EIF6: variants seen among roughly 807,000 people sequenced by gnomAD.
The protein encoded by EIF6 is eukaryotic translation initiation factor 6, also known as B4 integrin interactor.
In EIF6, 10 loss-of-function variants were observed where a neutral mutation model predicts 25.5. The observed-to-expected ratio is 0.39, with a 90% CI of 0.24 to 0.66. The LOEUF (loss-of-function observed/expected upper bound fraction) is 0.66. EIF6 is among the 30% of genes least tolerant of loss of function. The pLI is 0.45. For synonymous variants in EIF6, 122 were observed against 122.6 expected, an observed-to-expected ratio of 1.00 and a Z score of 0.03; for missense variants, 246 against 315.4, an observed-to-expected ratio of 0.78 and a Z score of 1.67.
rs766540370 is a variant in EIF6, at chr20:35,280,100, C to G, written c.388G>C (p.Ala130Pro). 1 of 1,614,092 alleles carries G rather than the reference C, an allele frequency of 6.2e-7. No homozygotes were observed. Among genetic ancestry groups the G allele is most frequent in the Admixed American group, 1.7e-5 (1 of 60,014 alleles). Residue 130 changes from alanine to proline, a missense_variant, in exon 5 of 7, where the codon GCA becomes CCA. By Grantham distance (27) the Ala-to-Pro change is conservative. Transcript: ENST00000374450. ...DLDRETEEIL[A>P]DVLKVEVFRQ... ...AAGACTTCCACCTTGAGCACATCTG[C>G]CAGAATTTCTTCTGTCTCCTGTCAA...
chr20:35,279,859 T>C, intron 5 of EIF6, 83 bp downstream of exon 5: 7 of 1,584,264 alleles, frequency 4.4e-6, no homozygotes, highest in Non-Finnish European at 6.0e-6. Flanking sequence ...TCCCAAACTG[T>C]GGCAGGTAAT....
At chr20:35,281,416 C>T (rs890245091) in intron 3 of EIF6, among the ~76,000 whole-genome samples, 11 of 150,376 alleles carry the variant, frequency 7.3e-5, no homozygotes, top group African/African-American at 2.7e-4. Flanking sequence ...ACAAAAAAAA[C>T]TGAGCTAACA....
intron 3 of EIF6, among the ~76,000 whole-genome samples, chr20:35,281,313 G>A (rs2060773298): frequency 6.6e-6 from 1 of 151,492 alleles, no homozygotes; most frequent in Non-Finnish European, 1.5e-5. Context: ...GTGAACCCGG[G>A]AGGCGGAGCT....
chr20:35,281,954 A>G (rs931320276), intron 3 of EIF6, among the ~76,000 whole-genome samples: 9 of 151,690 alleles, frequency 5.9e-5, no homozygotes, highest in Non-Finnish European at 1.3e-4. Flanking sequence ...AGAAATATGT[A>G]CATGTGTTCA....
chr20:35,281,076 A>G (rs1007119954), intron 3 of EIF6, among the ~76,000 whole-genome samples: 1 of 152,126 alleles, frequency 6.6e-6, no homozygotes, highest in African/African-American at 2.4e-5. Context: ...TTAGCTGTAT[A>G]TTTTGCTACT....
At chr20:35,282,624 GAC>G (rs2060786023) in intron 3 of EIF6, among the ~76,000 whole-genome samples, 2 of 151,230 alleles carry the variant, frequency 1.3e-5, no homozygotes, top group African/African-American at 4.9e-5. Flanking sequence ...TTTTTTTTGA[GAC>G]ACAGTTTCAC....
intron 3 of EIF6, 101 bp downstream of exon 3, chr20:35,284,075 G>A: frequency 7.2e-7 from 1 of 1,395,314 alleles, no homozygotes; most frequent in East Asian, 2.3e-5. Flanking sequence ...GATAACAGAT[G>A]ATACCCTGGG....
chr20:35,279,042 TA>T lies in EIF6; in HGVS notation c.*154del. The T allele has an allele frequency of 1.1e-6, 1 of 922,594 alleles. No homozygotes were observed. The highest frequency in any genetic ancestry group is 1.7e-6 in the Non-Finnish European group (1 of 582,456). 57.2% of individuals were successfully genotyped at this position (922,594 alleles called of 1,614,324 possible). Reference sequence around the variant, plus strand: ...TTGCAGTAATGATAGATCCAGGCGATAAGCACAGGTGGAAAAGGGTTGGGTG... The same window carrying T: ...TTGCAGTAATGATAGATCCAGGCGATAGCACAGGTGGAAAAGGGTTGGGTG... On this transcript the variant is annotated 3_prime_UTR_variant, in exon 7 of 7. Transcript: ENST00000374450.
intron 1 of EIF6, 38 bp from the exon 2 acceptor site, chr20:35,284,530 T>G: frequency 1.2e-5 from 18 of 1,563,014 alleles, no homozygotes; most frequent in Non-Finnish European, 1.5e-5. Flanking sequence ...GGCCGGCGGA[T>G]CCTTTCCCAA....
Position 35,279,136 on chromosome 20 carries a change from A to T in EIF6, c.*61T>A. On this transcript the variant is annotated 3_prime_UTR_variant, in exon 7 of 7. Transcript: ENST00000374450. The stretch of plus-strand genomic sequence containing the variant: ...CAGCATCCGGTACAGATTGGGCGGA[A>T]TGTGGAGAAGGTTGGCCACAGTCCA... 1 of 1,610,276 alleles carries T rather than the reference A, an allele frequency of 6.2e-7. No individual in the cohort carries two copies. Among genetic ancestry groups the T allele is most frequent in the South Asian group, 1.1e-5 (1 of 90,882 alleles).
Position 35,279,124 on chromosome 20 carries a change from A to G in EIF6, c.*73T>C. 1 of 1,602,678 alleles carries G rather than the reference A, an allele frequency of 6.2e-7. No individual in the cohort carries two copies. The highest frequency in any genetic ancestry group is 8.5e-7 in the Non-Finnish European group (1 of 1,170,288). ...CCACCTCCCTGCCAGCATCCGGTAC[A>G]GATTGGGCGGAATGTGGAGAAGGTT... is the stretch of plus-strand genomic sequence containing the variant. On this transcript the variant is annotated 3_prime_UTR_variant, in exon 7 of 7. Coordinates refer to ENST00000374450, the MANE Select transcript of EIF6 (RefSeq NM_002212.4).
rs986157301 is a variant in EIF6 at position 35,284,541 on chromosome 20, G to A, written c.-5-49C>T. On this transcript the variant is annotated intron_variant, in intron 1 of 6. Transcript: ENST00000374450. ...TCAAGGCCGGCGGATCCTTTCCCAA[G>A]TATCCCGGCCTCCGTCCCTCAGGCC... 2.6e-6 allele frequency: 4 copies of A among 1,551,792 alleles called. No homozygotes were observed. In the African/African-American group the frequency reaches 4.1e-5, roughly 16 times the overall value.
intron 6 of EIF6, 108 bp from the exon 7 acceptor site, chr20:35,279,314 T>C (rs1463789776): frequency 6.8e-7 from 1 of 1,467,166 alleles, no homozygotes; most frequent in Admixed American, 1.9e-5. Context: ...TCTGACAAGC[T>C]GCTCAAGCAG....
chr20:35,279,765 C>A lies in EIF6; in HGVS notation c.547-18G>T. On this transcript the variant is annotated intron_variant, in intron 5 of 6. Coordinates refer to ENST00000374450, the MANE Select transcript of EIF6 (RefSeq NM_002212.4). ...GTCCCCGCCTGCCAAGGGATGGGCT[C>A]AATGTGAGTCACGGCACCAAATTCT... 1 of 1,612,778 alleles carries A rather than the reference C, an allele frequency of 6.2e-7. No homozygotes were observed. The highest frequency in any genetic ancestry group is 8.5e-7 in the Non-Finnish European group (1 of 1,178,912).
intron 1 of EIF6, 38 bp from the exon 2 acceptor site, chr20:35,284,530 T>C (rs1193685976): frequency 6.4e-7 from 1 of 1,563,014 alleles, no homozygotes; most frequent in Admixed American, 1.8e-5. Flanking sequence ...GGCCGGCGGA[T>C]CCTTTCCCAA....
intron 4 of EIF6, 47 bp downstream of exon 4, chr20:35,280,607 T>C: frequency 6.3e-7 from 1 of 1,597,808 alleles, no homozygotes; most frequent in Non-Finnish European, 8.5e-7. Flanking sequence ...GGCTAACCAC[T>C]GACTAGGATG....
In EIF6 at chr20:35,279,738, C is replaced by T. The variant is rs1470457436; in HGVS notation, c.556G>A (p.Val186Met). The T allele has an allele frequency of 1.9e-6, 3 of 1,614,110 alleles. No individual in the cohort carries two copies. The highest frequency in any genetic ancestry group is 1.7e-5 in the Admixed American group (1 of 60,020). Residue 186 changes from valine to methionine, a missense_variant, in exon 6 of 7, where the codon GTG (valine) becomes ATG (methionine). Transcript: ENST00000374450. ...LLQVPLVAGTVNRGSEVIAAG... is the reference protein window; with the variant it reads ...LLQVPLVAGTMNRGSEVIAAG... The stretch of plus-strand genomic sequence containing the variant: ...GCAATCACCTCACTGCCTCGGTTCA[C>T]AGTCCCCGCCTGCCAAGGGATGGGC...
intron 3 of EIF6, among the ~76,000 whole-genome samples, chr20:35,282,221 C>T (rs2060781566): frequency 6.6e-6 from 1 of 152,108 alleles, no homozygotes; most frequent in Non-Finnish European, 1.5e-5. Context: ...GATCTCCCGA[C>T]CTCGTGATCC....
rs781748076 is a variant in EIF6 at position 35,284,236 on chromosome 20, T to C, written c.133A>G (p.Thr45Ala). ...ATAGACGCGTGCACCACGGGGATGG[T>C]ATCGGAGAGCTCGCCCTCGAACACA... Reference protein sequence around the residue: ...YSVFEGELSDTIPVVHASIAG... With the variant: ...YSVFEGELSDAIPVVHASIAG... Residue 45 changes from threonine to alanine, a missense_variant, in exon 3 of 7, where the codon ACC becomes GCC. By Grantham distance (58) the Thr-to-Ala change is moderately conservative (BLOSUM62 0). Coordinates refer to ENST00000374450, the MANE Select transcript of EIF6 (RefSeq NM_002212.4). The C allele has an allele frequency of 4.3e-6, 7 of 1,611,958 alleles. No homozygotes were observed. In the Admixed American group the frequency reaches 1.2e-4, roughly 27 times the overall value.
Sources: allele counts gnomAD v4.1 joint callset (sites outside exome capture counted in the v4.1 genomes callset), GRCh38; gene constraint gnomAD v4.1.1; transcripts MANE v1.5; gene names NCBI Gene and HGNC (gene_info 2026-07-23, HGNC 2026-07-21).